Variants in AFAP1 observed in about 807,000 individuals in gnomAD.
The protein encoded by AFAP1 is actin filament associated protein 1, also known as actin filament-associated protein 1.
A neutral mutation model predicts 93.9 loss-of-function variants in AFAP1; 75 were observed. That is an observed-to-expected ratio of 0.80 (90% CI 0.66 to 0.97). The LOEUF is 0.97. AFAP1 is among the 50% of genes least tolerant of loss of function. The pLI, the probability that AFAP1 is intolerant of heterozygous loss-of-function variation, is 0.00. For missense variants in AFAP1, 1,201 were observed against 1,050.8 expected, an observed-to-expected ratio of 1.14 and a Z score of -1.98; for synonymous variants, 517 against 430.7, an observed-to-expected ratio of 1.20 and a Z score of -2.48.
chr4:7,919,130 C>T (rs1251413330), intron 1 of AFAP1, among the ~76,000 whole-genome samples: 1 of 151,842 alleles, frequency 6.6e-6, no homozygotes, highest in Non-Finnish European at 1.5e-5. Context: ...AAAAACAGGG[C>T]TGCAGATGAG....
At chr4:7,845,785 T>C (rs1713614721) in intron 4 of AFAP1, among the ~76,000 whole-genome samples, 1 of 152,016 alleles carries the variant, frequency 6.6e-6, no homozygotes, top group Admixed American at 6.6e-5. Context: ...GTTACTTACA[T>C]TTCAATTTTC....
chr4:7,816,501 C>T (rs1720495475), intron 7 of AFAP1, among the ~76,000 whole-genome samples: 1 of 152,164 alleles, frequency 6.6e-6, no homozygotes, highest in Admixed American at 6.5e-5. Context: ...CTGTCATTCA[C>T]CAATAATTAA....
chr4:7,814,245 G>A (rs1000455934), intron 8 of AFAP1, among the ~76,000 whole-genome samples: 1 of 152,126 alleles, frequency 6.6e-6, no homozygotes, highest in Admixed American at 6.5e-5. Context: ...TATACTGATG[G>A]CACATAAACA....
intron 3 of AFAP1, among the ~76,000 whole-genome samples, chr4:7,856,707 C>T (rs755797580): frequency 3.9e-5 from 6 of 152,186 alleles, no homozygotes; most frequent in Non-Finnish European, 8.8e-5. Context: ...ATGTTCCTGA[C>T]GGCTCTAATC....
In AFAP1 at chr4:7,839,991, G is replaced by A. The variant is rs140240738; in HGVS notation, c.547-1288C>T. ...TAACATCTGCTACCAAGTGCTGAAT[G>A]TCGACATCATATGAGGCATTTCAAG... On this transcript the variant is annotated intron_variant, in intron 5 of 17. Transcript: ENST00000420658. 6.8e-4 allele frequency among the ~76,000 whole-genome samples: 104 copies of A among 152,282 alleles called. No individual in the cohort carries two copies. In the East Asian group the frequency reaches 0.019, roughly 28 times the overall value.
chr4:7,789,943 C>T (rs1233810211), intron 11 of AFAP1, among the ~76,000 whole-genome samples: 4 of 152,160 alleles, frequency 2.6e-5, no homozygotes, highest in Non-Finnish European at 4.4e-5. Flanking sequence ...AAATATGTTT[C>T]GATTGTTTAC....
rs6826811 is a variant in AFAP1, at chr4:7,912,769, A to G, written c.-3+26887T>C. Among the ~76,000 whole-genome samples the G allele has an allele frequency of 7.3e-3, 1,109 of 152,182 alleles. 8 individuals carry two copies. Among genetic ancestry groups the G allele is most frequent in the African/African-American group, 0.024 (997 of 41,492 alleles). ...TTTGCATTTTACATTTTAGTCCATG[A>G]CCCATTTTGAGTTAATTTTTGTATG... On this transcript the variant is annotated intron_variant, in intron 1 of 17. Coordinates refer to ENST00000420658, the MANE Select transcript of AFAP1 (RefSeq NM_001134647.2).
intron 4 of AFAP1, among the ~76,000 whole-genome samples, chr4:7,844,661 C>T (rs150171973): frequency 2.1e-4 from 32 of 152,364 alleles, no homozygotes; most frequent in African/African-American, 7.0e-4. Flanking sequence ...GCCCAAATAA[C>T]TGTAGAAGGA....
intron 1 of AFAP1, among the ~76,000 whole-genome samples, chr4:7,888,587 A>G (rs1356892599): frequency 4.6e-5 from 7 of 152,242 alleles, no homozygotes; most frequent in Non-Finnish European, 4.4e-5. Flanking sequence ...ACAGCTCTAT[A>G]TTAAAGAAAA....
intron 1 of AFAP1, among the ~76,000 whole-genome samples, chr4:7,901,250 T>C (rs1719098882): frequency 6.6e-6 from 1 of 152,268 alleles, no homozygotes; most frequent in African/African-American, 2.4e-5. Context: ...TCTCATTTAA[T>C]GAAGCCAAGG....
intron 1 of AFAP1, among the ~76,000 whole-genome samples, chr4:7,937,572 C>G (rs1456538121): frequency 6.6e-6 from 1 of 152,104 alleles, no homozygotes; most frequent in Non-Finnish European, 1.5e-5. Flanking sequence ...CTGCAACCTC[C>G]GCCTCCTGGG....
intron 17 of AFAP1, among the ~76,000 whole-genome samples, chr4:7,767,022 G>A (rs1009607452): frequency 7.2e-5 from 11 of 152,206 alleles, no homozygotes; most frequent in East Asian, 1.9e-4. Context: ...CCAAGTTTAC[G>A]ATACACAAGT....
intron 6 of AFAP1, among the ~76,000 whole-genome samples, chr4:7,821,699 C>T (rs914937215): frequency 1.8e-4 from 27 of 152,186 alleles, no homozygotes; most frequent in Non-Finnish European, 2.5e-4. Context: ...AAAAAAGAAA[C>T]ACCAAAGTCC....
At chr4:7,852,800 C>T (rs996245150) in intron 4 of AFAP1, among the ~76,000 whole-genome samples, 4 of 152,244 alleles carry the variant, frequency 2.6e-5, no homozygotes, top group Admixed American at 1.3e-4. Flanking sequence ...TACACAGAAA[C>T]GAATTCTTCT....
At chr4:7,897,449 C>G (rs1183796693) in intron 1 of AFAP1, among the ~76,000 whole-genome samples, 1 of 152,196 alleles carries the variant, frequency 6.6e-6, no homozygotes, top group East Asian at 1.9e-4. Flanking sequence ...CTAATCCTAT[C>G]TTGGGAACTA....
intron 1 of AFAP1, among the ~76,000 whole-genome samples, chr4:7,887,760 T>C (rs7687428): frequency 0.32 from 49,254 of 152,078 alleles, 9,344 homozygotes; most frequent in Non-Finnish European, 0.44. Context: ...GTCTTTCTTC[T>C]GGCTTAGTAC....
In AFAP1 at chr4:7,761,259, C is replaced by T. The variant is rs1242451091; in HGVS notation, c.*2506G>A. Reference sequence around the variant, plus strand: ...AAGGGAGTATCCGCCATGGAAGGAACCCACTGTCAGGCCCCTCCAGGGCAC... The same window carrying T: ...AAGGGAGTATCCGCCATGGAAGGAATCCACTGTCAGGCCCCTCCAGGGCAC... On this transcript the variant is annotated 3_prime_UTR_variant, in exon 18 of 18. Transcript: ENST00000420658. 1 of 152,274 alleles carries T rather than the reference C, an allele frequency of 6.6e-6. No individual in the cohort carries two copies. Among genetic ancestry groups the T allele is most frequent in the Non-Finnish European group, 1.5e-5 (1 of 68,050 alleles). 9.4% of individuals were successfully genotyped at this position (152,274 alleles called of 1,614,324 possible). A position where few individuals can be genotyped will look rare whatever the true frequency, so the allele number is the denominator to read the frequency against.
chr4:7,842,603 G>C (rs58161931), intron 5 of AFAP1: 1,653 of 152,740 alleles, frequency 0.011, 36 homozygotes, highest in African/African-American at 0.037. Context: ...GTCTCCACTG[G>C]AATAATCCCA....
At chr4:7,838,832 GT>G (rs991247082) in intron 5 of AFAP1, 129 bp from the exon 6 acceptor site, 2 of 840,258 alleles carry the variant, frequency 2.4e-6, no homozygotes, top group African/African-American at 3.6e-5. Context: ...AGATGAGCAG[GT>G]TCACACACAC....
Sources: allele counts gnomAD v4.1 joint callset (sites outside exome capture counted in the v4.1 genomes callset), GRCh38; gene constraint gnomAD v4.1.1; transcripts MANE v1.5; gene names NCBI Gene and HGNC (gene_info 2026-07-23, HGNC 2026-07-21).